Variants in ANO10 observed in about 807,000 individuals in gnomAD.
The protein encoded by ANO10 is anoctamin 10.
ANO10 carries 77 observed loss-of-function variants against 74.7 expected under a neutral mutation model. The ratio of observed to expected loss-of-function variants is 1.03; its 90% CI spans 0.86 to 1.25. The LOEUF (loss-of-function observed/expected upper bound fraction) is 1.25, where lower values mean the gene tolerates loss of function less well. ANO10 is among the 50% of genes most tolerant of loss of function. ANO10 has a pLI of 0.00. For synonymous variants in ANO10, 279 were observed against 284.9 expected (o/e 0.98, Z 0.21); for missense variants, 721 against 778.1 (o/e 0.93, Z 0.87).
chr3:43,447,542 T>C (rs2093265652), intron 11 of ANO10, among the ~76,000 whole-genome samples: 1 of 152,184 alleles, frequency 6.6e-6, no homozygotes, highest in Admixed American at 6.5e-5. Flanking sequence ...TGAAAAGCAT[T>C]TGAGAAGGTT....
At chr3:43,536,048 T>C (rs927130296) in intron 11 of ANO10, among the ~76,000 whole-genome samples, 1 of 152,206 alleles carries the variant, frequency 6.6e-6, no homozygotes, top group Non-Finnish European at 1.5e-5. Context: ...TATTAGTCTT[T>C]TGTATTTTAA....
chr3:43,381,488 G>T (rs1575611376), intron 12 of ANO10, among the ~76,000 whole-genome samples: 1 of 152,118 alleles, frequency 6.6e-6, no homozygotes, highest in East Asian at 1.9e-4. Flanking sequence ...ATGATATAAT[G>T]ATAAAAGAAA....
chr3:43,600,636 A>G, intron 2 of ANO10, 55 bp from the exon 3 acceptor site: 1 of 1,363,414 alleles, frequency 7.3e-7, no homozygotes, highest in Non-Finnish European at 1.0e-6. Context: ...TTTCAAAACT[A>G]AAAACTTTCT....
At chr3:43,532,199 CTAAA>C (rs1425356226) in intron 11 of ANO10, among the ~76,000 whole-genome samples, 6 of 152,214 alleles carry the variant, frequency 3.9e-5, no homozygotes, top group Non-Finnish European at 7.3e-5. Flanking sequence ...CTCAGACTGT[CTAAA>C]TAAAGAGGCA....
chr3:43,602,094 A>T (rs979773132), intron 2 of ANO10, among the ~76,000 whole-genome samples: 2 of 152,046 alleles, frequency 1.3e-5, no homozygotes, highest in African/African-American at 4.8e-5. Context: ...GGCTCTTCCT[A>T]CTCAATTCTC....
intron 12 of ANO10, among the ~76,000 whole-genome samples, chr3:43,423,775 T>TAC (rs2148919806): frequency 6.6e-6 from 1 of 152,254 alleles, no homozygotes; most frequent in African/African-American, 2.4e-5. Flanking sequence ...TAACAGACCC[T>TAC]ACCGTGGAGA....
intron 1 of ANO10, among the ~76,000 whole-genome samples, chr3:43,674,843 T>C (rs2084102284): frequency 6.6e-6 from 1 of 152,136 alleles, no homozygotes; most frequent in South Asian, 2.1e-4. Flanking sequence ...CATCCATCCA[T>C]CATTAGATGT....
At chr3:43,597,427 C>T (rs2149472645) in intron 4 of ANO10, among the ~76,000 whole-genome samples, 1 of 152,246 alleles carries the variant, frequency 6.6e-6, no homozygotes. Context: ...GAATACTATG[C>T]AGCCATAAAA....
intron 4 of ANO10, among the ~76,000 whole-genome samples, chr3:43,593,377 C>T (rs951602163): frequency 6.6e-6 from 1 of 152,174 alleles, no homozygotes; most frequent in East Asian, 1.9e-4. Context: ...GGGTTACCCA[C>T]AAAGGGAAGT....
chr3:43,551,414 T>C lies in ANO10; in HGVS notation c.1669-1566A>G, dbSNP rs9829081. 333,283 of 432,100 alleles carry C rather than the reference T, an allele frequency of 0.77. 129,985 individuals are homozygous for C. The highest frequency in any genetic ancestry group is 0.92 in the African/African-American group (45,086 of 49,132). The allele number at this position is 432,100 out of a possible 1,614,324, so 26.8% of individuals were successfully genotyped here. A position where few individuals can be genotyped will look rare whatever the true frequency, so the allele number is the denominator to read the frequency against. On this transcript the variant is annotated intron_variant, in intron 10 of 12. Transcript: ENST00000292246. ...CCTATATTGAGTTATAATTTACATATAATAAACTGCATGCATTTAAGGTAT... is the reference window on the plus strand; with the variant it reads ...CCTATATTGAGTTATAATTTACATACAATAAACTGCATGCATTTAAGGTAT...
At chr3:43,500,561 A>G (rs1249691431) in intron 11 of ANO10, among the ~76,000 whole-genome samples, 5 of 152,216 alleles carry the variant, frequency 3.3e-5, no homozygotes, top group Non-Finnish European at 5.9e-5. Context: ...ATTCAATTTC[A>G]GAGGTACTAA....
At chr3:43,525,521 G>A (rs764401197) in intron 11 of ANO10, among the ~76,000 whole-genome samples, 10 of 152,152 alleles carry the variant, frequency 6.6e-5, no homozygotes, top group Non-Finnish European at 8.8e-5. Flanking sequence ...GAGCACCCAA[G>A]TATCTGCTAA....
At chr3:43,529,868 TATAAC>T (rs2078379230) in intron 11 of ANO10, among the ~76,000 whole-genome samples, 1 of 152,092 alleles carries the variant, frequency 6.6e-6, no homozygotes, top group Non-Finnish European at 1.5e-5. Flanking sequence ...ACATGGTAAA[TATAAC>T]ATAATACCAG....
intron 1 of ANO10, among the ~76,000 whole-genome samples, chr3:43,668,718 T>C (rs1296343603): frequency 6.6e-6 from 1 of 152,182 alleles, no homozygotes. Flanking sequence ...GTATGCTTTG[T>C]TGAAGATCAG....
At chr3:43,384,330 T>C (rs551542158) in intron 12 of ANO10, among the ~76,000 whole-genome samples, 2 of 152,086 alleles carry the variant, frequency 1.3e-5, no homozygotes, top group Non-Finnish European at 2.9e-5. Flanking sequence ...GTAGAATCAA[T>C]ATTGTGAAAA....
At chr3:43,378,349 G>A (rs1351183699) in intron 12 of ANO10, among the ~76,000 whole-genome samples, 1 of 152,196 alleles carries the variant, frequency 6.6e-6, no homozygotes, top group Non-Finnish European at 1.5e-5. Flanking sequence ...TGGTGGCAGA[G>A]GGGATTGGTT....
At chr3:43,500,444 G>GA (rs2077059008) in intron 11 of ANO10, among the ~76,000 whole-genome samples, 1 of 152,190 alleles carries the variant, frequency 6.6e-6, no homozygotes, top group Non-Finnish European at 1.5e-5. Context: ...CTGAAACCAT[G>GA]AGGAGTTGCT....
chr3:43,493,645 C>A (rs1353488720), intron 11 of ANO10, among the ~76,000 whole-genome samples: 3 of 152,042 alleles, frequency 2.0e-5, no homozygotes, highest in Non-Finnish European at 4.4e-5. Flanking sequence ...ACTTGCTATA[C>A]AATAGTTATT....
At chr3:43,401,559 G>A (rs2092482403) in intron 12 of ANO10, among the ~76,000 whole-genome samples, 1 of 152,068 alleles carries the variant, frequency 6.6e-6, no homozygotes, top group Non-Finnish European at 1.5e-5. Flanking sequence ...ACAGACCAGT[G>A]GTTTCATGGT....
Sources: gnomAD v4.1 joint callset for allele counts (sites outside exome capture counted in the v4.1 genomes callset) on GRCh38, gnomAD v4.1.1 for gene constraint, MANE v1.5 for transcripts, NCBI Gene and HGNC (gene_info 2026-07-23, HGNC 2026-07-21) for gene names.